The following PTPRG variants were observed in gnomAD, a reference collection of about 807,000 sequenced individuals.
PTPRG encodes the protein receptor-type tyrosine-protein phosphatase gamma.
A neutral mutation model predicts 165.3 loss-of-function variants in PTPRG; 102 were observed. That is an observed-to-expected ratio of 0.62 (90% CI 0.53 to 0.73). The LOEUF (loss-of-function observed/expected upper bound fraction) is 0.73. PTPRG is among the 30% of genes least tolerant of loss of function. The probability of loss-of-function intolerance (pLI) is 0.00; values close to 1 mark genes in which losing one functional copy is unlikely to be tolerated. For missense variants in PTPRG, 1,866 were observed against 1,861.4 expected (o/e 1.00, Z -0.05); for synonymous variants, 675 against 669.5 (o/e 1.01, Z -0.13).
intron 2 of PTPRG, among the ~76,000 whole-genome samples, chr3:61,914,467 C>T (rs766994474): frequency 1.3e-4 from 20 of 152,316 alleles, no homozygotes; most frequent in Non-Finnish European, 2.2e-4. Context: ...TCATTGACTG[C>T]GTCTCTTTCC....
intron 1 of PTPRG, among the ~76,000 whole-genome samples, chr3:61,600,184 A>ATGTGTGTGTG (rs1475629585): frequency 1.0e-5 from 1 of 97,364 alleles, no homozygotes; most frequent in African/African-American, 3.6e-5. Context: ...ATATATATAT[A>ATGTGTGTGTG]TATATATATG....
chr3:61,700,675 A>G (rs1342078350), intron 1 of PTPRG, among the ~76,000 whole-genome samples: 3 of 152,232 alleles, frequency 2.0e-5, no homozygotes, highest in South Asian at 2.1e-4. Flanking sequence ...CTCAAAAACA[A>G]CAGCAATGTC....
intron 1 of PTPRG, among the ~76,000 whole-genome samples, chr3:61,587,089 T>C (rs1700451923): frequency 1.3e-5 from 2 of 152,192 alleles, no homozygotes; most frequent in Non-Finnish European, 2.9e-5. Flanking sequence ...ATGGTGACAG[T>C]ATACACAGTC....
At chr3:61,750,049 A>C (rs2106919822) in intron 2 of PTPRG, 1 of 152,230 alleles carries the variant, frequency 6.6e-6, no homozygotes, top group South Asian at 2.1e-4. Flanking sequence ...CCCTGCAGGG[A>C]GAATATCCTA....
chr3:62,052,373 T>C (rs191869513), intron 4 of PTPRG, among the ~76,000 whole-genome samples: 1 of 152,300 alleles, frequency 6.6e-6, no homozygotes, highest in African/African-American at 2.4e-5. Flanking sequence ...AGTTGGGTAG[T>C]ACATGATCTA....
chr3:61,851,072 A>G lies in PTPRG; in HGVS notation c.190+102090A>G, dbSNP rs949014665. ...ACCAATAGCAGAATGCCCTTGGCAG[A>G]TGAAGGAACACTATATGGTACTAAG... On this transcript the variant is annotated intron_variant, in intron 2 of 29. Coordinates refer to ENST00000474889, the MANE Select transcript of PTPRG (RefSeq NM_002841.4). Among the ~76,000 whole-genome samples, 5 of 152,320 alleles carry G rather than the reference A, an allele frequency of 3.3e-5. No individual in the cohort carries two copies. In the East Asian group the frequency reaches 5.8e-4, roughly 18 times the overall value.
rs1005997535 is a variant in PTPRG, at chr3:62,139,621, G to A, written c.682+6953G>A. Among the ~76,000 whole-genome samples, 12 of 152,302 alleles carry A rather than the reference G, an allele frequency of 7.9e-5. No homozygotes were observed. The East Asian group carries it at 2.1e-3, about 27-fold the overall frequency. ...CAAATAAGTTATCACCTGAGAACTC[G>A]CTTCTATTAGTGTCACAAAATGAGG... On this transcript the variant is annotated intron_variant, in intron 6 of 29. Transcript: ENST00000474889.
chr3:62,168,074 G>T lies in PTPRG; in HGVS notation c.944G>T (p.Arg315Met). The change falls in exon 8 of 30, where the codon AGG (arginine) becomes ATG (methionine). Residue 315 changes from arginine to methionine, a missense_variant. Arg to Met is a moderately conservative substitution (Grantham distance 91). This residue lies in a region of PTPRG where 1,452 missense variants were observed against 1,463.0 expected (regional missense o/e 0.99). Coordinates refer to ENST00000474889, the MANE Select transcript of PTPRG (RefSeq NM_002841.4). ...NFRPQQRLHD[R>M]VVSKSAVRDS... ...CGACCACAGCAGCGTCTGCATGACA[G>T]GGTGGTGTCCAAGTCCGCCGTCCGT... is the stretch of plus-strand genomic sequence containing the variant. The T allele has an allele frequency of 6.2e-7, 1 of 1,614,078 alleles. No individual in the cohort carries two copies. Among genetic ancestry groups the T allele is most frequent in the Non-Finnish European group, 8.5e-7 (1 of 1,179,980 alleles).
At chr3:61,989,549 T>C in intron 2 of PTPRG, 76 bp from the exon 3 acceptor site, 1 of 1,426,586 alleles carries the variant, frequency 7.0e-7, no homozygotes, top group Non-Finnish European at 9.5e-7. Context: ...GATGCAGTGC[T>C]CAGCTTCCTA....
intron 2 of PTPRG, chr3:61,770,541 C>T (rs946705398): frequency 7.2e-5 from 11 of 152,104 alleles, no homozygotes; most frequent in Admixed American, 6.6e-4. Context: ...GGTGGTAGGA[C>T]TAATTACTTA....
At position 61,658,452 on chromosome 3, in the gene PTPRG, A is replaced by AT. The variant is rs1308386171; in HGVS notation, c.86-90420dup. On this transcript the variant is annotated intron_variant, in intron 1 of 29. Transcript: ENST00000474889. ...TCAGGTACCAGCTCTGCCCTCATCT[A>AT]TTTTTTGTGACCTTGGGAAAGTTAG... Among the ~76,000 whole-genome samples, 3 of 152,118 alleles carry AT rather than the reference A, an allele frequency of 2.0e-5. No individual in the cohort carries two copies. The East Asian group carries it at 5.8e-4, about 29-fold the overall frequency.
At chr3:62,105,092 G>C (rs1330880796) in intron 5 of PTPRG, among the ~76,000 whole-genome samples, 15 of 152,148 alleles carry the variant, frequency 9.9e-5, no homozygotes, top group Non-Finnish European at 1.8e-4. Flanking sequence ...GGTCATTTTG[G>C]AATGGTGAAT....
chr3:61,563,608 C>A (rs1206090246), intron 1 of PTPRG, among the ~76,000 whole-genome samples: 1 of 152,210 alleles, frequency 6.6e-6, no homozygotes, highest in South Asian at 2.1e-4. Context: ...TTTTTCTGCC[C>A]TCTCATCCAT....
intron 1 of PTPRG, among the ~76,000 whole-genome samples, chr3:61,669,326 A>G (rs1020554577): frequency 6.6e-6 from 1 of 151,882 alleles, no homozygotes; most frequent in Non-Finnish European, 1.5e-5. Flanking sequence ...GAATCAGGTC[A>G]GAGGACTGAC....
Position 62,229,935 on chromosome 3 carries a change from A to C in PTPRG, c.2289-1290A>C, listed in dbSNP as rs1157456733. On this transcript the variant is annotated intron_variant, in intron 13 of 29. Coordinates refer to ENST00000474889, the MANE Select transcript of PTPRG (RefSeq NM_002841.4). This position sits in a 1 kb window ranked among gnomAD's most constrained non-coding sequence, Gnocchi z 4.6. ...GGGCTAAGGGTTGAGAAAAAGTCTAAATATTTTAGGAAGCTGCAAATTTCA... is the reference window on the plus strand; with the variant it reads ...GGGCTAAGGGTTGAGAAAAAGTCTACATATTTTAGGAAGCTGCAAATTTCA... Among the ~76,000 whole-genome samples, 1 of 152,212 alleles carries C rather than the reference A, an allele frequency of 6.6e-6. No homozygotes were observed. Among genetic ancestry groups the C allele is most frequent in the Non-Finnish European group, 1.5e-5 (1 of 68,036 alleles).
chr3:61,581,361 G>A (rs113939363), intron 1 of PTPRG, among the ~76,000 whole-genome samples: 2,363 of 152,234 alleles, frequency 0.016, 66 homozygotes, highest in African/African-American at 0.054. Flanking sequence ...TCAAATCAGC[G>A]GTCTTTCTCC....
intron 4 of PTPRG, among the ~76,000 whole-genome samples, chr3:62,068,147 A>C (rs1701082723): frequency 6.6e-6 from 1 of 152,216 alleles, no homozygotes; most frequent in South Asian, 2.1e-4. Context: ...AGGAAAAATA[A>C]GAGTATCACT....
At chr3:61,621,349 C>T (rs766427971) in intron 1 of PTPRG, among the ~76,000 whole-genome samples, 1 of 151,990 alleles carries the variant, frequency 6.6e-6, no homozygotes, top group Non-Finnish European at 1.5e-5. Context: ...AATGACTTAA[C>T]CTTGAAACTT....
At chr3:62,092,618 A>C (rs1327550979) in intron 5 of PTPRG, among the ~76,000 whole-genome samples, 1 of 151,912 alleles carries the variant, frequency 6.6e-6, no homozygotes, top group Non-Finnish European at 1.5e-5. Flanking sequence ...CATTAGTAGG[A>C]GTAAAATTCA....
Sources: allele counts gnomAD v4.1 joint callset (sites outside exome capture counted in the v4.1 genomes callset), GRCh38; gene constraint gnomAD v4.1.1; regional missense constraint gnomAD v4.1.1; non-coding constraint Gnocchi (gnomAD v3.1); transcripts MANE v1.5; gene names NCBI Gene and HGNC (gene_info 2026-07-23, HGNC 2026-07-21).